RAB3C: variants seen among roughly 807,000 people sequenced by gnomAD.
The protein encoded by RAB3C is ras-related protein Rab-3C.
In RAB3C, 17 loss-of-function variants were observed where a neutral mutation model predicts 26.4. The ratio of observed to expected loss-of-function variants is 0.64; its 90% confidence interval spans 0.44 to 0.97. The LOEUF (loss-of-function observed/expected upper bound fraction) is 0.97, where lower values mean the gene tolerates loss of function less well. Ranked by LOEUF, RAB3C falls within the 50% of genes least tolerant of loss-of-function variation. The pLI is 0.00. For missense variants in RAB3C, 242 were observed against 281.9 expected, an observed-to-expected ratio of 0.86 and a Z score of 1.01; for synonymous variants, 91 against 95.9, an observed-to-expected ratio of 0.95 and a Z score of 0.30.
chr5:58,619,742 T>C (rs1746895649), intron 2 of RAB3C, among the ~76,000 whole-genome samples: 1 of 152,138 alleles, frequency 6.6e-6, no homozygotes, highest in Non-Finnish European at 1.5e-5. Context: ...TTTGTTGAGG[T>C]GCAAAATTAT....
chr5:58,753,896 A>G (rs1307643865), intron 3 of RAB3C, among the ~76,000 whole-genome samples: 1 of 152,192 alleles, frequency 6.6e-6, no homozygotes, highest in Non-Finnish European at 1.5e-5. Flanking sequence ...GTCTCCAAAC[A>G]GTAGCCCTTT....
At chr5:58,820,780 A>G (rs564410058) in intron 3 of RAB3C, among the ~76,000 whole-genome samples, 1 of 152,338 alleles carries the variant, frequency 6.6e-6, no homozygotes, top group Non-Finnish European at 1.5e-5. Context: ...TGGATCTCAT[A>G]TAATCATGGC....
intron 3 of RAB3C, among the ~76,000 whole-genome samples, chr5:58,729,169 A>G (rs1740949240): frequency 6.6e-6 from 1 of 151,912 alleles, no homozygotes; most frequent in Non-Finnish European, 1.5e-5. Context: ...ATTTCATTAT[A>G]TTTTCATTAA....
intron 2 of RAB3C, among the ~76,000 whole-genome samples, chr5:58,710,540 A>G (rs1749034363): frequency 6.6e-6 from 1 of 151,922 alleles, no homozygotes; most frequent in Non-Finnish European, 1.5e-5. Context: ...CGGAGGTTGC[A>G]GTGAGCCGAG....
chr5:58,828,901 CTTT>C lies in RAB3C; in HGVS notation c.496+3758_496+3760del, dbSNP rs762653092. On this transcript the variant is annotated intron_variant, in intron 4 of 4. Transcript: ENST00000282878. ...CTATAGCTGGTGTTATTTTACCATG[CTTT>C]TTTTTTTTTTTTTTTTTTGGATGGA... Among the ~76,000 whole-genome samples, 83 of 122,428 alleles carry C rather than the reference CTTT, an allele frequency of 6.8e-4. 2 individuals are homozygous for C. The South Asian group carries it at 0.011, about 17-fold the overall frequency. The allele number at this position is 122,428 out of a possible 152,430, so 80.3% of individuals were successfully genotyped here.
intron 2 of RAB3C, among the ~76,000 whole-genome samples, chr5:58,687,844 G>T (rs1748478071): frequency 6.6e-6 from 1 of 151,942 alleles, no homozygotes; most frequent in South Asian, 2.1e-4. Context: ...GTATTATTTT[G>T]TATTCTTCAG....
At chr5:58,644,709 T>C (rs1747480706) in intron 2 of RAB3C, among the ~76,000 whole-genome samples, 1 of 152,206 alleles carries the variant, frequency 6.6e-6, no homozygotes, top group African/African-American at 2.4e-5. Context: ...AAAGTTTAGC[T>C]CCTTATTTTC....
At chr5:58,597,702 A>G (rs1228073064) in intron 1 of RAB3C, among the ~76,000 whole-genome samples, 4 of 112,918 alleles carry the variant, frequency 3.5e-5, no homozygotes, top group African/African-American at 5.5e-5. Flanking sequence ...ATATAAGTAT[A>G]TAATATAATA....
intron 4 of RAB3C, among the ~76,000 whole-genome samples, chr5:58,845,779 T>C (rs1404561127): frequency 6.6e-6 from 1 of 151,680 alleles, no homozygotes; most frequent in African/African-American, 2.4e-5. Context: ...CACAGGACTG[T>C]GCCACCTTCA....
intron 2 of RAB3C, among the ~76,000 whole-genome samples, chr5:58,650,233 G>T (rs137945776): frequency 2.9e-3 from 446 of 152,152 alleles, no homozygotes; most frequent in African/African-American, 9.8e-3. Context: ...TGATATGAGG[G>T]TTTCTAACTC....
chr5:58,595,742 A>G lies in RAB3C; in HGVS notation c.24+12510A>G, dbSNP rs564361625. Among the ~76,000 whole-genome samples the G allele has an allele frequency of 2.0e-4, 31 of 152,270 alleles. No homozygotes were observed. The South Asian group carries it at 5.0e-3, about 24-fold the overall frequency. ...AAAGTATTTCATTTTGTATTCCTAAATAAAAATGTATCCAACTGGAGAGAA... is the reference window on the plus strand; with the variant it reads ...AAAGTATTTCATTTTGTATTCCTAAGTAAAAATGTATCCAACTGGAGAGAA... On this transcript the variant is annotated intron_variant, in intron 1 of 4. Coordinates refer to ENST00000282878, the MANE Select transcript of RAB3C (RefSeq NM_138453.4).
intron 2 of RAB3C, among the ~76,000 whole-genome samples, chr5:58,698,471 T>G (rs1027790042): frequency 4.6e-5 from 7 of 152,204 alleles, no homozygotes; most frequent in Admixed American, 4.6e-4. Context: ...AATGTTGGCT[T>G]TGCTTGCTAG....
chr5:58,780,183 G>C (rs1014152298), intron 3 of RAB3C, among the ~76,000 whole-genome samples: 3 of 152,124 alleles, frequency 2.0e-5, no homozygotes, highest in Admixed American at 1.3e-4. Context: ...TGGTCAAATA[G>C]CAAGGCCTGT....
At chr5:58,833,432 A>G (rs997552135) in intron 4 of RAB3C, among the ~76,000 whole-genome samples, 4 of 151,954 alleles carry the variant, frequency 2.6e-5, no homozygotes, top group Non-Finnish European at 5.9e-5. Flanking sequence ...AGGTGATTCT[A>G]ATGTACAGCC....
intron 2 of RAB3C, among the ~76,000 whole-genome samples, chr5:58,648,635 C>T (rs532713545): frequency 3.9e-4 from 60 of 152,268 alleles, no homozygotes; most frequent in Non-Finnish European, 6.2e-4. Context: ...TTCATAGCCT[C>T]TAAGAGAGAC....
rs546936243 is a variant in RAB3C at position 58,669,442 on chromosome 5, G to T, written c.252+51572G>T. Among the ~76,000 whole-genome samples, 15 of 152,170 alleles carry T rather than the reference G, an allele frequency of 9.9e-5. 1 individual carries two copies. The South Asian group carries it at 2.9e-3, about 30-fold the overall frequency. On this transcript the variant is annotated intron_variant, in intron 2 of 4. Coordinates refer to ENST00000282878, the MANE Select transcript of RAB3C (RefSeq NM_138453.4). Reference sequence around the variant, plus strand: ...GAAAAGAGTGAGCCCAGAGGGATGGGCTAAGCTTACATCCAACCCACTTCC... The same window carrying T: ...GAAAAGAGTGAGCCCAGAGGGATGGTCTAAGCTTACATCCAACCCACTTCC...
intron 1 of RAB3C, among the ~76,000 whole-genome samples, chr5:58,610,557 G>A (rs1257050549): frequency 6.6e-6 from 1 of 151,584 alleles, no homozygotes; most frequent in Non-Finnish European, 1.5e-5. Context: ...TTTTTCACAG[G>A]TGACAATGAT....
chr5:58,661,702 G>T (rs2111807520), intron 2 of RAB3C, among the ~76,000 whole-genome samples: 2 of 147,672 alleles, frequency 1.4e-5, no homozygotes, highest in South Asian at 2.1e-4. Flanking sequence ...GTTAGACAAG[G>T]CTAGTTTACT....
In RAB3C at chr5:58,742,151, C is replaced by T. The variant is rs1057198433; in HGVS notation, c.371+16031C>T. 8.5e-5 allele frequency among the ~76,000 whole-genome samples: 13 copies of T among 152,310 alleles called. No homozygotes were observed. In the East Asian group the frequency reaches 1.9e-3, roughly 23 times the overall value. On this transcript the variant is annotated intron_variant, in intron 3 of 4. Transcript: ENST00000282878. Reference sequence around the variant, plus strand: ...AACTGAAGCCATGCCTACCTGTCTCCCCTGGCCCTCTCAATACTTTTATTG... The same window carrying T: ...AACTGAAGCCATGCCTACCTGTCTCTCCTGGCCCTCTCAATACTTTTATTG...
Sources: allele counts gnomAD v4.1 joint callset (sites outside exome capture counted in the v4.1 genomes callset), GRCh38; gene constraint gnomAD v4.1.1; transcripts MANE v1.5; gene names NCBI Gene and HGNC (gene_info 2026-07-23, HGNC 2026-07-21).